TTC21B: variants seen among roughly 807,000 people sequenced by gnomAD.
TTC21B encodes tetratricopeptide repeat protein 21B.
In TTC21B, 127 loss-of-function variants were observed where a neutral mutation model predicts 175.1. The observed-to-expected ratio is 0.73, with a 90% CI of 0.63 to 0.84. The LOEUF is 0.84. Ranked by LOEUF, TTC21B falls within the 40% of genes least tolerant of loss-of-function variation. The pLI is 0.00. For missense variants in TTC21B, 1,561 were observed against 1,558.3 expected, an observed-to-expected ratio of 1.00 and a Z score of -0.03; for synonymous variants, 524 against 524.5, an observed-to-expected ratio of 1.00 and a Z score of 0.01.
chr2:165,890,799 A>T (rs191913043), intron 23 of TTC21B, 39 bp downstream of exon 23: 696 of 1,601,172 alleles, frequency 4.3e-4, no homozygotes, highest in Non-Finnish European at 5.5e-4. Context: ...TACAATGAGA[A>T]AAAAAAATCA....
chr2:165,917,136 C>T (rs1686204816), intron 14 of TTC21B, 121 bp downstream of exon 14: 3 of 926,954 alleles, frequency 3.2e-6, no homozygotes, highest in Non-Finnish European at 5.2e-6. Flanking sequence ...GCCTCGGCCT[C>T]CCAAAGTGCT....
intron 5 of TTC21B, among the ~76,000 whole-genome samples, chr2:165,942,291 T>C (rs1486659243): frequency 6.6e-6 from 1 of 152,218 alleles, no homozygotes; most frequent in Non-Finnish European, 1.5e-5. Context: ...CAACATATAA[T>C]TTCTTTTTGC....
Position 165,890,967 on chromosome 2 carries a change from C to T in TTC21B, c.2972G>A (p.Arg991His), listed in dbSNP as rs141708554. The change falls in exon 23 of 29, where the codon CGT becomes CAT. Residue 991 changes from arginine to histidine, a missense_variant. Transcript: ENST00000243344. The part of the protein sequence containing the change: ...RKPDNYMTLS[R>H]LIDLLRRCGK... The stretch of plus-strand genomic sequence containing the variant: ...ACATCTTCTTAGGAGATCAATCAAA[C>T]GAGATAATGTCATATAATTATCTAG... 7.2e-5 allele frequency: 116 copies of T among 1,612,526 alleles called. No homozygotes were observed. In the South Asian group the frequency reaches 8.7e-4, roughly 12 times the overall value.
intron 18 of TTC21B, among the ~76,000 whole-genome samples, chr2:165,910,777 C>CT: frequency 6.6e-6 from 1 of 151,390 alleles, no homozygotes; most frequent in Non-Finnish European, 1.5e-5. Flanking sequence ...GCATGATGTA[C>CT]TGACATCAAA....
chr2:165,877,134 C>A (rs553416432), intron 27 of TTC21B, among the ~76,000 whole-genome samples: 8 of 152,012 alleles, frequency 5.3e-5, no homozygotes, highest in African/African-American at 1.9e-4. Context: ...CAGCTGTGCA[C>A]GCAGTAAACA....
chr2:165,915,797 AC>A (rs1686148058), intron 14 of TTC21B, among the ~76,000 whole-genome samples: 2 of 152,178 alleles, frequency 1.3e-5, no homozygotes, highest in Admixed American at 1.3e-4. Context: ...CTCCACCAGA[AC>A]ACTGTTGTTA....
intron 19 of TTC21B, among the ~76,000 whole-genome samples, chr2:165,903,314 T>A (rs1269855946): frequency 6.6e-6 from 1 of 151,940 alleles, no homozygotes; most frequent in Non-Finnish European, 1.5e-5. Context: ...GCATTAGGAA[T>A]CACATGTGAA....
chr2:165,949,805 T>C (rs566437771), intron 1 of TTC21B, 81 bp from the exon 2 acceptor site: 4 of 1,388,670 alleles, frequency 2.9e-6, no homozygotes, highest in South Asian at 2.5e-5. Context: ...TAATCTAACA[T>C]CTAGAATAAT....
chr2:165,875,238 T>C (rs559010190), intron 28 of TTC21B, among the ~76,000 whole-genome samples: 7 of 151,828 alleles, frequency 4.6e-5, no homozygotes, highest in African/African-American at 1.7e-4. Context: ...TACGTATTTC[T>C]AGTTCTACTG....
intron 7 of TTC21B, 151 bp from the exon 8 acceptor site, chr2:165,932,007 G>A (rs1686928555): frequency 6.3e-6 from 4 of 630,252 alleles, no homozygotes; most frequent in Non-Finnish European, 1.1e-5. Flanking sequence ...ATGATTATAT[G>A]TTATAAAACA....
At chr2:165,899,667 C>T in intron 21 of TTC21B, 103 bp downstream of exon 21, 1 of 759,574 alleles carries the variant, frequency 1.3e-6, no homozygotes, top group Non-Finnish European at 2.4e-6. Flanking sequence ...TTCCAAAAGC[C>T]AACGTGAGCC....
At chr2:165,913,148 C>A (rs1476669118) in intron 16 of TTC21B, among the ~76,000 whole-genome samples, 1 of 151,958 alleles carries the variant, frequency 6.6e-6, no homozygotes, top group Non-Finnish European at 1.5e-5. Context: ...AAGTAATTCT[C>A]CTGCCTCAGC....
Position 165,930,327 on chromosome 2 carries a change from G to A in TTC21B, c.932C>T (p.Thr311Met), listed in dbSNP as rs1440923224. The A allele has an allele frequency of 6.2e-6, 10 of 1,612,060 alleles. No individual in the cohort carries two copies. The highest frequency in any genetic ancestry group is 4.4e-5 in the South Asian group (4 of 90,916). The change falls in exon 9 of 29, where the codon ACG becomes ATG. Residue 311 changes from threonine to methionine, a missense_variant. By Grantham distance (81) the Thr-to-Met change is moderately conservative. Transcript: ENST00000243344. ...TAAACTAAAAGCTCTCTCAAGTAAC[G>A]TTTGAATTTTTTGAAGAATAAGTTG... ...RSQLILQKIQ[T>M]LLERAFSLNP... is the part of the protein sequence containing the mutation.
At chr2:165,931,727 C>G in intron 8 of TTC21B, 31 bp downstream of exon 8, 15 of 1,551,346 alleles carry the variant, frequency 9.7e-6, no homozygotes, top group Non-Finnish European at 1.3e-5. Context: ...CTATAGATAA[C>G]AGAGCTCTGG....
intron 15 of TTC21B, 43 bp from the exon 16 acceptor site, chr2:165,913,689 A>C: frequency 6.9e-7 from 1 of 1,458,710 alleles, no homozygotes; most frequent in Non-Finnish European, 9.6e-7. Flanking sequence ...GAACACAGAT[A>C]TCTTCTTCCA....
At position 165,907,741 on chromosome 2, in the gene TTC21B, A is replaced by T. The variant is rs780666873; in HGVS notation, c.2505T>A (p.Val835=). ...TTTTACTATAAACTTTTGCTAGAAG[A>T]ACTTGACAACGTCCATCCTCCATGA... is the stretch of plus-strand genomic sequence containing the variant. ...SALMEDGRCQ[V]LLAKVYSKME... is the part of the protein sequence containing the mutation. Residue 835 remains valine, a synonymous_variant, in exon 19 of 29, where the codon GTT becomes GTA. Transcript: ENST00000243344. 1 of 1,613,204 alleles carries T rather than the reference A, an allele frequency of 6.2e-7. No homozygotes were observed. The highest frequency in any genetic ancestry group is 1.3e-5 in the African/African-American group (1 of 74,908).
intron 12 of TTC21B, among the ~76,000 whole-genome samples, chr2:165,920,485 T>C (rs993266842): frequency 4.6e-5 from 7 of 152,178 alleles, no homozygotes; most frequent in African/African-American, 1.7e-4. Flanking sequence ...TCTTAACTTA[T>C]TGTGATACAA....
chr2:165,946,374 T>TA (rs1247972704), intron 3 of TTC21B, among the ~76,000 whole-genome samples: 2 of 152,030 alleles, frequency 1.3e-5, no homozygotes, highest in African/African-American at 4.8e-5. Context: ...TATTTAAAAA[T>TA]ACTTGATTTG....
chr2:165,883,003 T>C (rs1230448877), intron 26 of TTC21B, among the ~76,000 whole-genome samples: 3 of 152,148 alleles, frequency 2.0e-5, no homozygotes, highest in African/African-American at 7.2e-5. Context: ...CTTAAGTTCC[T>C]AGGAAAGTAT....
Sources: gnomAD v4.1 joint callset for allele counts (sites outside exome capture counted in the v4.1 genomes callset) on GRCh38, gnomAD v4.1.1 for gene constraint, MANE v1.5 for transcripts, NCBI Gene and HGNC (gene_info 2026-07-23, HGNC 2026-07-21) for gene names.